RELL2: variants seen among roughly 807,000 people sequenced by gnomAD.
The protein encoded by RELL2 is RELT like 2, also known as RELT-like protein 2.
In RELL2, 18 loss-of-function variants were observed where a neutral mutation model predicts 27.5. The ratio of observed to expected loss-of-function variants is 0.65; its 90% CI spans 0.45 to 0.97. The LOEUF (loss-of-function observed/expected upper bound fraction) is 0.97. Ranked by LOEUF, RELL2 falls within the 50% of genes least tolerant of loss-of-function variation. The pLI is 0.00. For synonymous variants in RELL2, 156 were observed against 147.5 expected (o/e 1.06, Z -0.42); for missense variants, 370 against 397.5 (o/e 0.93, Z 0.59).
At position 141,640,210 on chromosome 5, in the gene RELL2, G is replaced by A. The variant is rs750797330; in HGVS notation, c.794G>A (p.Arg265Lys). Residue 265 changes from arginine to lysine, a missense_variant, in exon 5 of 7, where the codon AGG (arginine) becomes AAG (lysine). By Grantham distance (26) the Arg-to-Lys change is conservative. Transcript: ENST00000297164. ...NPRASAEPTL[R>K]AGGRGPSPGL... The stretch of plus-strand genomic sequence containing the variant: ...AGAGCTTCTGCAGAGCCAACACTGA[G>A]GGCCGGAGGGAGGGGCCCAAGCCCA... The A allele has an allele frequency of 1.9e-6, 3 of 1,614,068 alleles. No homozygotes were observed. In the African/African-American group the frequency reaches 4.0e-5, roughly 22 times the overall value.
rs985693917 is a variant in RELL2 at position 141,641,050 on chromosome 5, C to G, written c.*381C>G. The G allele has an allele frequency of 3.0e-5, 10 of 336,294 alleles. No homozygotes were observed. The highest frequency in any genetic ancestry group is 1.7e-4 in the African/African-American group (8 of 47,316). The allele number at this position is 336,294 out of a possible 1,614,324, so 20.8% of individuals were successfully genotyped here. A position where few individuals can be genotyped will look rare whatever the true frequency, so the allele number is the denominator to read the frequency against. ...TGCCCTTTATTCATTGTCAATAAAT[C>G]CGCTCAGACCATTACAGCTGCTTCG... On this transcript the variant is annotated 3_prime_UTR_variant, in exon 7 of 7. Coordinates refer to ENST00000297164, the MANE Select transcript of RELL2 (RefSeq NM_173828.5).
At chr5:141,638,506 AAACC>A in intron 1 of RELL2, 97 bp downstream of exon 1, 1 of 1,203,300 alleles carries the variant, frequency 8.3e-7, no homozygotes, top group Non-Finnish European at 1.2e-6. Context: ...AATCCTGATC[AAACC>A]TGCTCAGGAA....
Position 141,638,257 on chromosome 5 carries a change from C to G in RELL2, c.32C>G (p.Pro11Arg). 6.2e-7 allele frequency: 1 copy of G among 1,613,852 alleles called. No individual in the cohort carries two copies. Among genetic ancestry groups the G allele is most frequent in the Non-Finnish European group, 8.5e-7 (1 of 1,179,898 alleles). Residue 11 changes from proline to arginine, a missense_variant, in exon 1 of 7, where the codon CCC becomes CGC. Physicochemically the swap from Pro to Arg is moderately radical, Grantham distance 103 (BLOSUM62 -2). Coordinates refer to ENST00000297164, the MANE Select transcript of RELL2 (RefSeq NM_173828.5). ...GAACCACAGCCTGACCTGGAACCGCCCCAACATGGGCTATATATGCTCTTC... is the reference window on the plus strand; with the variant it reads ...GAACCACAGCCTGACCTGGAACCGCGCCAACATGGGCTATATATGCTCTTC... MSEPQPDLEPPQHGLYMLFLL... is the reference protein window; with the variant it reads MSEPQPDLEPRQHGLYMLFLL...
chr5:141,638,818 G>A lies in RELL2; in HGVS notation c.208G>A (p.Asp70Asn). The change falls in exon 2 of 7, where the codon GAC becomes AAC. Residue 70 changes from aspartate to asparagine, a missense_variant. Asp to Asn is a conservative substitution (Grantham distance 23). Transcript: ENST00000297164. ...QPPEDDDMNE[D>N]TVERIVRCII... The stretch of plus-strand genomic sequence containing the variant: ...AGCTGAGGACGATGACATGAATGAG[G>A]ACACAGTAGAGAGGATTGTTCGCTG... 6.2e-7 allele frequency: 1 copy of A among 1,614,190 alleles called. No individual in the cohort carries two copies. The highest frequency in any genetic ancestry group is 8.5e-7 in the Non-Finnish European group (1 of 1,180,008).
Position 141,639,334 on chromosome 5 carries a change from A to T in RELL2, c.318-130A>T, listed in dbSNP as rs2099906567. 18 of 708,964 alleles carry T rather than the reference A, an allele frequency of 2.5e-5. No homozygotes were observed. The highest frequency in any genetic ancestry group is 5.9e-5 in the Admixed American group (2 of 33,972). The allele number at this position is 708,964 out of a possible 1,614,324, so 43.9% of individuals were successfully genotyped here. On this transcript the variant is annotated intron_variant, in intron 3 of 6. Transcript: ENST00000297164. This position sits in a 1 kb window ranked among gnomAD's most constrained non-coding sequence, Gnocchi z 4.4. ...TTAATATTGAGTTTATTAGATAAAG[A>T]CAAGAAAAAATGGGGCTTGGGGAAA...
rs1198162037 is a variant in RELL2, at chr5:141,639,008, G to A, written c.304G>A (p.Val102Met). ...MLGDSEGEGT[V>M]QLSSVDATSS... ...GGGGGACAGTGAAGGAGAAGGGACA[G>A]TGCAGCTGTCCAGGTGAGCTGGAAA... The change falls in exon 3 of 7, where the codon GTG becomes ATG. Residue 102 changes from valine (V) to methionine (M), a missense_variant. By Grantham distance (21) the Val-to-Met change is conservative (BLOSUM62 1). Coordinates refer to ENST00000297164, the MANE Select transcript of RELL2 (RefSeq NM_173828.5). The surrounding 1 kb of genome is among the most constrained non-coding windows in gnomAD (Gnocchi z 4.4). 1.6e-5 allele frequency: 26 copies of A among 1,613,880 alleles called. No homozygotes were observed. Among genetic ancestry groups the A allele is most frequent in the Non-Finnish European group, 2.0e-5 (24 of 1,179,980 alleles).
chr5:141,638,435 C>A, intron 1 of RELL2, 26 bp downstream of exon 1: 1 of 1,586,106 alleles, frequency 6.3e-7, no homozygotes, highest in African/African-American at 1.3e-5. Context: ...GGAACCCTGG[C>A]TCAGTCACCT....
At position 141,638,804 on chromosome 5, in the gene RELL2, A is replaced by G; in HGVS notation, c.194A>G (p.Asp65Gly). Residue 65 changes from aspartate (D) to glycine (G), a missense_variant, in exon 2 of 7, where the codon GAT becomes GGT. By Grantham distance (94) the Asp-to-Gly change is moderately conservative (BLOSUM62 -1). Coordinates refer to ENST00000297164, the MANE Select transcript of RELL2 (RefSeq NM_173828.5). ...CTCTTTCATCCTTCAGCTGAGGACG[A>G]TGACATGAATGAGGACACAGTAGAG... is the stretch of plus-strand genomic sequence containing the variant. ...DDAQLQPPED[D>G]DMNEDTVERI... The G allele has an allele frequency of 6.2e-7, 1 of 1,614,134 alleles. No individual in the cohort carries two copies. The highest frequency in any genetic ancestry group is 8.5e-7 in the Non-Finnish European group (1 of 1,179,954).
intron 1 of RELL2, 62 bp from the exon 2 acceptor site, chr5:141,638,733 A>T (rs2099906482): frequency 7.4e-7 from 1 of 1,359,806 alleles, no homozygotes; most frequent in Non-Finnish European, 1.1e-6. Flanking sequence ...GGGAGCCACC[A>T]GGTAATATTC....
Position 141,638,208 on chromosome 5 carries a change from C to A in RELL2, c.-18C>A, listed in dbSNP as rs1035203566. The A allele has an allele frequency of 1.9e-6, 3 of 1,599,830 alleles. No homozygotes were observed. The highest frequency in any genetic ancestry group is 2.6e-6 in the Non-Finnish European group (3 of 1,172,944). The stretch of plus-strand genomic sequence containing the variant: ...AACCCAGGAGGCGCCCTGGCCCGCG[C>A]TCGCCCCCCAGGGCCTCATGTCGGA... On this transcript the variant is annotated 5_prime_UTR_variant, in exon 1 of 7. Coordinates refer to ENST00000297164, the MANE Select transcript of RELL2 (RefSeq NM_173828.5).
Position 141,638,462 on chromosome 5 carries a change from C to T in RELL2, c.184+53C>T. ...CAGTCACCTTTCACCCTTCTCCCCA[C>T]ACCTCTGCCTCCCTGACCAACAGAC... On this transcript the variant is annotated intron_variant, in intron 1 of 6. Transcript: ENST00000297164. The T allele has an allele frequency of 2.6e-6, 4 of 1,512,784 alleles. No homozygotes were observed. In the East Asian group the frequency reaches 6.8e-5, roughly 26 times the overall value. 93.7% of individuals were successfully genotyped at this position (1,512,784 alleles called of 1,614,324 possible).
rs1417479247 is a variant in RELL2, at chr5:141,639,887, G to A, written c.504-33G>A. 1.2e-6 allele frequency: 2 copies of A among 1,610,370 alleles called. No homozygotes were observed. The highest frequency in any genetic ancestry group is 4.5e-5 in the East Asian group (2 of 44,866). ...GAGGGCCAAGCAGCCTCTGAGTTGT[G>A]GTCCTAAACCCCAGTGTTCCCTCCC... On this transcript the variant is annotated intron_variant, in intron 4 of 6. Transcript: ENST00000297164. The surrounding 1 kb of genome is among the most constrained non-coding windows in gnomAD (Gnocchi z 4.4).
At position 141,640,741 on chromosome 5, in the gene RELL2, T is replaced by C; in HGVS notation, c.*72T>C. ...GTGGGTGGGCGTGAAAGCCCTCCCC[T>C]CCACTGGACAGCACTGCCCCCCAGC... On this transcript the variant is annotated 3_prime_UTR_variant, in exon 7 of 7. Coordinates refer to ENST00000297164, the MANE Select transcript of RELL2 (RefSeq NM_173828.5). The C allele has an allele frequency of 7.1e-7, 1 of 1,413,990 alleles. No homozygotes were observed. The highest frequency in any genetic ancestry group is 9.6e-7 in the Non-Finnish European group (1 of 1,043,928). 87.6% of individuals were successfully genotyped at this position (1,413,990 alleles called of 1,614,324 possible). A position where few individuals can be genotyped will look rare whatever the true frequency, so the allele number is the denominator to read the frequency against.
Position 141,639,866 on chromosome 5 carries a change from G to A in RELL2, c.504-54G>A. 1 of 1,580,898 alleles carries A rather than the reference G, an allele frequency of 6.3e-7. No individual in the cohort carries two copies. Among genetic ancestry groups the A allele is most frequent in the Non-Finnish European group, 8.7e-7 (1 of 1,152,026 alleles). On this transcript the variant is annotated intron_variant, in intron 4 of 6. Transcript: ENST00000297164. The surrounding 1 kb of genome is among the most constrained non-coding windows in gnomAD (Gnocchi z 4.4). ...AGGATGTCCCTGGTCAGAGGGGAGG[G>A]CCAAGCAGCCTCTGAGTTGTGGTCC... is the stretch of plus-strand genomic sequence containing the variant.
At position 141,638,090 on chromosome 5, in the gene RELL2, GGCCGGACCTCA is replaced by G. The variant is rs2154598177; in HGVS notation, c.-128_-118del. The G allele has an allele frequency of 1.5e-6, 1 of 662,302 alleles. No homozygotes were observed. The highest frequency in any genetic ancestry group is 1.8e-5 in the South Asian group (1 of 56,370). The allele number at this position is 662,302 out of a possible 1,614,324, so 41.0% of individuals were successfully genotyped here. A position where few individuals can be genotyped will look rare whatever the true frequency, so the allele number is the denominator to read the frequency against. On this transcript the variant is annotated 5_prime_UTR_variant, in exon 1 of 7. Coordinates refer to ENST00000297164, the MANE Select transcript of RELL2 (RefSeq NM_173828.5). ...AGCTCCCTGGTTGGGTAGGGGGTGG[GGCCGGACCTCA>G]GCCGGACGTCTTAGACGTGCTTGTT...
chr5:141,640,356 G>A lies in RELL2; in HGVS notation c.880-56G>A, dbSNP rs1283381100. The A allele has an allele frequency of 4.3e-6, 7 of 1,613,968 alleles. No homozygotes were observed. The South Asian group carries it at 4.4e-5, about 10-fold the overall frequency. On this transcript the variant is annotated intron_variant, in intron 5 of 6. Coordinates refer to ENST00000297164, the MANE Select transcript of RELL2 (RefSeq NM_173828.5). Reference sequence around the variant, plus strand: ...CTCTTATTGCTCTCTACTCTGGGGGGCACTGATAGGACCTACTCCTGGTCT... The same window carrying A: ...CTCTTATTGCTCTCTACTCTGGGGGACACTGATAGGACCTACTCCTGGTCT...
intron 6 of RELL2, 35 bp from the exon 7 acceptor site, chr5:141,640,636 A>G (rs1337847821): frequency 1.9e-5 from 29 of 1,537,940 alleles, no homozygotes; most frequent in Non-Finnish European, 2.4e-5. Context: ...CAGCTTGAAC[A>G]GGAAGCAACA....
Position 141,637,923 on chromosome 5 carries a change from G to A in RELL2, c.-303G>A. On this transcript the variant is annotated 5_prime_UTR_variant, in exon 1 of 7. Transcript: ENST00000297164. ...ATGCCGTCCCATCTCGTGCTGCAGT[G>A]TCCTTGGGAGGGACAGAAGCGCGAA... 3.0e-6 allele frequency: 1 copy of A among 333,436 alleles called. No homozygotes were observed. The allele number at this position is 333,436 out of a possible 1,614,324, so 20.7% of individuals were successfully genotyped here.
rs147498015 is a variant in RELL2 at position 141,639,019 on chromosome 5, C to T, written c.315C>T (p.Ser105=). 5.6e-6 allele frequency: 9 copies of T among 1,613,468 alleles called. No homozygotes were observed. The African/African-American group carries it at 1.1e-4, about 19-fold the overall frequency. Residue 105 remains serine (S), a splice_region_variant and synonymous_variant, in exon 3 of 7, where the codon TCC becomes TCT. Transcript: ENST00000297164. This position sits in a 1 kb window ranked among gnomAD's most constrained non-coding sequence, Gnocchi z 4.4. ...AAGGAGAAGGGACAGTGCAGCTGTC[C>T]AGGTGAGCTGGAAACAAGGGCCAGC... ...DSEGEGTVQL[S]SVDATSSLQD...
Sources: gnomAD v4.1 joint callset for allele counts on GRCh38, gnomAD v4.1.1 for gene constraint, Gnocchi (gnomAD v3.1) non-coding constraint, MANE v1.5 for transcripts, NCBI Gene and HGNC (gene_info 2026-07-23, HGNC 2026-07-21) for gene names.